Variants in NELL2 observed in about 807,000 individuals in gnomAD.
The protein encoded by NELL2 is neural EGFL like 2.
NELL2 carries 41 observed loss-of-function variants against 109.6 expected under a neutral mutation model. The observed-to-expected ratio is 0.37, with a 90% CI of 0.29 to 0.49. NELL2 has a LOEUF of 0.49. Among genes scored for constraint, NELL2 ranks in the 20% least tolerant of loss-of-function variants. NELL2 has a pLI of 0.98. For missense variants in NELL2, 900 were observed against 1,008.3 expected, an observed-to-expected ratio of 0.89 and a Z score of 1.45; for synonymous variants, 355 against 344.7, an observed-to-expected ratio of 1.03 and a Z score of -0.33.
chr12:44,876,396 A>G, upstream of NELL2: 1 of 1,260,750 alleles, frequency 7.9e-7, no homozygotes, highest in Non-Finnish European at 1.0e-6. Context: ...GGTAAGGAGG[A>G]GGGAGGGGCC....
At chr12:44,874,996 T>C in intron 2 of NELL2, 2 of 489,426 alleles carry the variant, frequency 4.1e-6, no homozygotes, top group Non-Finnish European at 7.1e-6. Flanking sequence ...ATTAAGGGAC[T>C]ATCCATTAGA....
At chr12:44,787,793 C>T (rs1375859134) in intron 3 of NELL2, among the ~76,000 whole-genome samples, 1 of 152,052 alleles carries the variant, frequency 6.6e-6, no homozygotes, top group Non-Finnish European at 1.5e-5. Context: ...TCTCACACTT[C>T]ATGCAAAAAT....
rs367873355 is a variant in NELL2 at position 44,577,543 on chromosome 12, T to C, written c.1663+29626A>G. Among the ~76,000 whole-genome samples, 8 of 144,586 alleles carry C rather than the reference T, an allele frequency of 5.5e-5. No individual in the cohort carries two copies. In the South Asian group the frequency reaches 1.9e-3, roughly 34 times the overall value. The allele number at this position is 144,586 out of a possible 152,430, so 94.9% of individuals were successfully genotyped here. A position where few individuals can be genotyped will look rare whatever the true frequency, so the allele number is the denominator to read the frequency against. ...AGGCTGGAGTGCAGTGGCACGATGA[T>C]CTCGGCTCACTGCAAGCCCCGCCTC... On this transcript the variant is annotated intron_variant, in intron 15 of 19. Coordinates refer to ENST00000429094, the MANE Select transcript of NELL2 (RefSeq NM_001145108.2).
chr12:44,834,589 A>T (rs1239155383), intron 2 of NELL2, among the ~76,000 whole-genome samples: 2 of 152,174 alleles, frequency 1.3e-5, no homozygotes, highest in Non-Finnish European at 2.9e-5. Flanking sequence ...TTTAGCAATA[A>T]ATACTGCGCA....
In NELL2 at chr12:44,631,083, T is replaced by C. The variant is rs1351788677; in HGVS notation, c.1445-20113A>G. On this transcript the variant is annotated intron_variant, in intron 13 of 19. Coordinates refer to ENST00000429094, the MANE Select transcript of NELL2 (RefSeq NM_001145108.2). ...TTGAATTTCCTACCTTCAGAACTCC[T>C]AGGTATTATTATACTGGCTTCTTTT... Among the ~76,000 whole-genome samples the C allele has an allele frequency of 3.3e-5, 5 of 152,014 alleles. No homozygotes were observed. In the South Asian group the frequency reaches 8.3e-4, roughly 25 times the overall value.
chr12:44,639,122 T>C (rs1010573650), intron 13 of NELL2, among the ~76,000 whole-genome samples: 4 of 152,188 alleles, frequency 2.6e-5, no homozygotes, highest in Middle Eastern at 3.2e-3. Context: ...AAATGCTGAA[T>C]AGCCATGTTT....
chr12:44,815,916 T>C (rs1943329861), intron 3 of NELL2, 70 bp downstream of exon 3: 2 of 1,511,044 alleles, frequency 1.3e-6, no homozygotes, highest in Non-Finnish European at 1.8e-6. Context: ...AGCTTTTGTT[T>C]ACTTCTCTTT....
At chr12:44,591,622 C>T (rs10880654) in intron 15 of NELL2, among the ~76,000 whole-genome samples, 32,219 of 151,718 alleles carry the variant, frequency 0.21, 3,528 homozygotes, top group South Asian at 0.33. Context: ...CAGAAAGGAG[C>T]GGGGATAGAA....
At chr12:44,870,040 C>A (rs1249335394) in intron 2 of NELL2, among the ~76,000 whole-genome samples, 3 of 152,082 alleles carry the variant, frequency 2.0e-5, no homozygotes, top group African/African-American at 7.2e-5. Flanking sequence ...TCCACATAAC[C>A]ACAGGGTACA....
intron 19 of NELL2, among the ~76,000 whole-genome samples, chr12:44,514,185 T>C (rs1434724244): frequency 6.6e-6 from 1 of 151,896 alleles, no homozygotes; most frequent in East Asian, 1.9e-4. Flanking sequence ...GAAAATATTC[T>C]TCAAATATAA....
intron 3 of NELL2, among the ~76,000 whole-genome samples, chr12:44,805,204 T>C (rs992020776): frequency 6.6e-6 from 1 of 151,894 alleles, no homozygotes; most frequent in Non-Finnish European, 1.5e-5. Context: ...ATAAATGTGA[T>C]GCAATTTCAA....
intron 15 of NELL2, among the ~76,000 whole-genome samples, chr12:44,548,922 C>T (rs765748821): frequency 4.6e-5 from 7 of 152,194 alleles, no homozygotes; most frequent in Non-Finnish European, 1.0e-4. Context: ...TTTATTTATT[C>T]CCCAGTGGAA....
At chr12:44,748,263 A>G (rs1330372668) in intron 9 of NELL2, among the ~76,000 whole-genome samples, 2 of 152,088 alleles carry the variant, frequency 1.3e-5, no homozygotes, top group African/African-American at 4.8e-5. Context: ...GTCCCTTTAT[A>G]TTTCTTTGTG....
chr12:44,652,769 C>T (rs1213444639), intron 13 of NELL2, among the ~76,000 whole-genome samples: 2 of 152,180 alleles, frequency 1.3e-5, no homozygotes. Context: ...GTCCAACATA[C>T]ATCTACCAGG....
intron 9 of NELL2, among the ~76,000 whole-genome samples, chr12:44,766,704 A>G (rs903926920): frequency 1.3e-5 from 2 of 152,176 alleles, no homozygotes; most frequent in Non-Finnish European, 2.9e-5. Flanking sequence ...TACTTATTTC[A>G]AAGCCTTATG....
At chr12:44,747,241 T>A (rs554097374) in intron 9 of NELL2, among the ~76,000 whole-genome samples, 4 of 151,856 alleles carry the variant, frequency 2.6e-5, no homozygotes, top group Admixed American at 2.0e-4. Flanking sequence ...TATGTGGGAA[T>A]TGAACAATGA....
intron 9 of NELL2, among the ~76,000 whole-genome samples, chr12:44,721,013 C>A (rs547752315): frequency 9.2e-5 from 14 of 152,190 alleles, no homozygotes; most frequent in African/African-American, 3.4e-4. Flanking sequence ...AAGTACCTCC[C>A]AGAATAGAAC....
At chr12:44,873,288 T>C (rs1158055265) in intron 2 of NELL2, among the ~76,000 whole-genome samples, 1 of 152,116 alleles carries the variant, frequency 6.6e-6, no homozygotes, top group African/African-American at 2.4e-5. Context: ...AACAACCAAT[T>C]CATCAATGTA....
In NELL2 at chr12:44,827,411, G is replaced by GTTT. The variant is rs35241789; in HGVS notation, c.185-11278_185-11276dup. On this transcript the variant is annotated intron_variant, in intron 2 of 19. Transcript: ENST00000429094. ...TAGGTCTTCTGGTCTTCTTCTAACT[G>GTTT]TTTTTTTTTTTTTTTTTGTACCCAT... is the stretch of plus-strand genomic sequence containing the variant. Among the ~76,000 whole-genome samples the GTTT allele has an allele frequency of 4.8e-3, 602 of 126,570 alleles. 16 individuals carry two copies. The highest frequency in any genetic ancestry group is 0.015 in the African/African-American group (503 of 33,254). 83.0% of individuals were successfully genotyped at this position (126,570 alleles called of 152,430 possible). A position where few individuals can be genotyped will look rare whatever the true frequency, so the allele number is the denominator to read the frequency against.
Sources: gnomAD v4.1 joint callset for allele counts (sites outside exome capture counted in the v4.1 genomes callset) on GRCh38, gnomAD v4.1.1 for gene constraint, MANE v1.5 for transcripts, NCBI Gene and HGNC (gene_info 2026-07-23, HGNC 2026-07-21) for gene names.